RABGAP1L: variants seen among roughly 807,000 people sequenced by gnomAD.
The protein encoded by RABGAP1L is rab GTPase-activating protein 1-like.
Under a neutral mutation model 137.7 loss-of-function variants are expected in RABGAP1L, and 63 were observed. The ratio of observed to expected loss-of-function variants is 0.46; its 90% CI spans 0.37 to 0.56. RABGAP1L has a LOEUF of 0.56. Ranked by LOEUF, RABGAP1L falls within the 20% of genes least tolerant of loss-of-function variation. The pLI is 0.00. For missense variants in RABGAP1L, 1,095 were observed against 1,244.0 expected, an observed-to-expected ratio of 0.88 and a Z score of 1.80; for synonymous variants, 431 against 433.7, an observed-to-expected ratio of 0.99 and a Z score of 0.08.
Position 174,330,584 on chromosome 1 carries a change from T to G in RABGAP1L, c.1465+25457T>G, listed in dbSNP as rs953023454. ...TGAATGACAGAGTGAGACTCTGTCTTTAAACAAACAAACAAACAAACAAAA... is the reference window on the plus strand; with the variant it reads ...TGAATGACAGAGTGAGACTCTGTCTGTAAACAAACAAACAAACAAACAAAA... On this transcript the variant is annotated intron_variant, in intron 11 of 25. Transcript: ENST00000681986. Among the ~76,000 whole-genome samples, 6 of 140,314 alleles carry G rather than the reference T, an allele frequency of 4.3e-5. No homozygotes were observed. The South Asian group carries it at 1.3e-3, about 31-fold the overall frequency. The allele number at this position is 140,314 out of a possible 152,430, so 92.1% of individuals were successfully genotyped here.
intron 11 of RABGAP1L, among the ~76,000 whole-genome samples, chr1:174,350,101 C>T (rs1434804230): frequency 7.1e-6 from 1 of 140,934 alleles, no homozygotes; most frequent in African/African-American, 2.7e-5. Context: ...ACCCCCCCAC[C>T]TCCCTCCCGG....
intron 12 of RABGAP1L, among the ~76,000 whole-genome samples, chr1:174,392,503 G>A (rs953286174): frequency 6.6e-6 from 1 of 152,124 alleles, no homozygotes; most frequent in African/African-American, 2.4e-5. Flanking sequence ...AGTATTATCA[G>A]CTTAGTTTCT....
chr1:174,448,061 G>A lies in RABGAP1L; in HGVS notation c.1710+53916G>A. 6.6e-7 allele frequency: 1 copy of A among 1,523,108 alleles called. No individual in the cohort carries two copies. Among genetic ancestry groups the A allele is most frequent in the Non-Finnish European group, 9.0e-7 (1 of 1,116,120 alleles). 94.3% of individuals were successfully genotyped at this position (1,523,108 alleles called of 1,614,324 possible). ...GCGGTGTTTAACAGATGCTGGGCAG[G>A]GCATCTGCTTGCTGTAGCCAAGTCT... is the stretch of plus-strand genomic sequence containing the variant. On this transcript the variant is annotated intron_variant, in intron 13 of 25. Coordinates refer to ENST00000681986, the MANE Select transcript of RABGAP1L (RefSeq NM_001366446.1). This position sits in a 1 kb window ranked among gnomAD's most constrained non-coding sequence, Gnocchi z 4.2.
At chr1:174,241,983 G>A (rs889167837) in intron 5 of RABGAP1L, among the ~76,000 whole-genome samples, 1 of 152,106 alleles carries the variant, frequency 6.6e-6, no homozygotes, top group Non-Finnish European at 1.5e-5. Context: ...CTAGTAGATT[G>A]GTCCATGTGA....
rs1197314035 is a variant in RABGAP1L at position 174,992,535 on chromosome 1, A to ATATT, written c.*2536_*2539dup. On this transcript the variant is annotated 3_prime_UTR_variant, in exon 26 of 26. Transcript: ENST00000681986. ...TTTCAAAAGATTACGAGGGCAATAC[A>ATATT]TATTTTTTTTTTTTTTATTCTCCAG... 1.3e-5 allele frequency: 2 copies of ATATT among 151,490 alleles called. No homozygotes were observed. Among genetic ancestry groups the ATATT allele is most frequent in the African/African-American group, 2.4e-5 (1 of 41,220 alleles). 9.4% of individuals were successfully genotyped at this position (151,490 alleles called of 1,614,324 possible).
intron 13 of RABGAP1L, among the ~76,000 whole-genome samples, chr1:174,424,991 T>C (rs1651788722): frequency 6.6e-6 from 1 of 152,056 alleles, no homozygotes; most frequent in Non-Finnish European, 1.5e-5. Flanking sequence ...TAATAGGATG[T>C]TTTACATTTT....
intron 13 of RABGAP1L, among the ~76,000 whole-genome samples, chr1:174,516,773 T>G (rs947517662): frequency 1.3e-5 from 2 of 151,766 alleles, no homozygotes; most frequent in Admixed American, 1.3e-4. Context: ...GAGCTGAGAG[T>G]TGAACCCAAG....
chr1:174,695,476 T>C (rs1364500862), intron 15 of RABGAP1L, among the ~76,000 whole-genome samples: 1 of 152,160 alleles, frequency 6.6e-6, no homozygotes, highest in African/African-American at 2.4e-5. Flanking sequence ...TTTCAGTCTT[T>C]TTGTTAACTT....
intron 18 of RABGAP1L, among the ~76,000 whole-genome samples, chr1:174,763,688 A>T (rs12756023): frequency 1.6e-5 from 2 of 125,556 alleles, no homozygotes; most frequent in Non-Finnish European, 3.2e-5. Flanking sequence ...AAAAAAAAAA[A>T]TTAGCCAGGC....
At chr1:174,596,191 C>G (rs1180971593) in intron 13 of RABGAP1L, among the ~76,000 whole-genome samples, 2 of 121,888 alleles carry the variant, frequency 1.6e-5, no homozygotes, top group Non-Finnish European at 3.2e-5. Context: ...CCAGGTGAGG[C>G]AATGCCTCGC....
At chr1:174,298,671 A>C (rs1178387669) in intron 10 of RABGAP1L, among the ~76,000 whole-genome samples, 2 of 152,184 alleles carry the variant, frequency 1.3e-5, no homozygotes, top group Non-Finnish European at 2.9e-5. Flanking sequence ...TCCTCCTCCA[A>C]CAAGGGAGAG....
chr1:174,313,152 C>A (rs1451487659), intron 11 of RABGAP1L, among the ~76,000 whole-genome samples: 1 of 152,050 alleles, frequency 6.6e-6, no homozygotes. Context: ...TGGTCTTGAT[C>A]TGACCTTGTG....
intron 1 of RABGAP1L, among the ~76,000 whole-genome samples, chr1:174,190,593 T>TTGGTTGGTTTGATA (rs1464391402): frequency 6.6e-6 from 1 of 152,198 alleles, no homozygotes; most frequent in East Asian, 1.9e-4. Flanking sequence ...AAGACAATGG[T>TTGGTTGGTTTGATA]TGGTTGGTTT....
intron 19 of RABGAP1L, among the ~76,000 whole-genome samples, chr1:174,814,660 G>A (rs948966064): frequency 6.6e-6 from 1 of 151,738 alleles, no homozygotes; most frequent in African/African-American, 2.4e-5. Context: ...CCCTTACACT[G>A]AGGCACTCTG....
intron 7 of RABGAP1L, among the ~76,000 whole-genome samples, chr1:174,260,243 C>T (rs1015887927): frequency 3.3e-5 from 5 of 152,180 alleles, no homozygotes; most frequent in Non-Finnish European, 5.9e-5. Context: ...CATCTGATTT[C>T]TGACTGTGTA....
intron 1 of RABGAP1L, among the ~76,000 whole-genome samples, chr1:174,208,343 C>T (rs890933210): frequency 1.3e-5 from 2 of 151,620 alleles, no homozygotes; most frequent in Non-Finnish European, 2.9e-5. Context: ...AGTTTGATTT[C>T]TTCCTTTCCA....
chr1:174,475,772 TAAAAAAA>T (rs61597461), intron 13 of RABGAP1L, among the ~76,000 whole-genome samples: 2 of 69,930 alleles, frequency 2.9e-5, no homozygotes, highest in South Asian at 5.6e-4. Context: ...CCCCGTGTCT[TAAAAAAA>T]AAAAAAAAAA....
chr1:174,825,439 C>T lies in RABGAP1L; in HGVS notation c.2340+13479C>T, dbSNP rs147940730. ...CTACTTTTATCCTGAAAAGTTTTAG[C>T]TGAAGTTTCTTACAAAATTGGTTCC... On this transcript the variant is annotated intron_variant, in intron 19 of 25. Transcript: ENST00000681986. 3.3e-3 allele frequency among the ~76,000 whole-genome samples: 509 copies of T among 152,320 alleles called. 2 individuals carry two copies. The highest frequency in any genetic ancestry group is 0.02 in the South Asian group (96 of 4,820).
intron 11 of RABGAP1L, among the ~76,000 whole-genome samples, chr1:174,351,069 GGGGGGA>G (rs1167896547): frequency 0.11 from 10,863 of 96,364 alleles, 1,851 homozygotes; most frequent in Non-Finnish European, 0.14. Flanking sequence ...GGGAGACCGT[GGGGGGA>G]GGGGGAGGGG....
Sources: allele counts gnomAD v4.1 joint callset (sites outside exome capture counted in the v4.1 genomes callset), GRCh38; gene constraint gnomAD v4.1.1; non-coding constraint Gnocchi (gnomAD v3.1); transcripts MANE v1.5; gene names NCBI Gene and HGNC (gene_info 2026-07-23, HGNC 2026-07-21).